The following DAGLB variants were observed in gnomAD, a reference collection of about 807,000 sequenced individuals.
DAGLB encodes diacylglycerol lipase-beta.
Under a neutral mutation model 72.1 loss-of-function variants are expected in DAGLB, and 66 were observed. The observed-to-expected ratio is 0.92, with a 90% CI of 0.75 to 1.12. The LOEUF is 1.12. Ranked by LOEUF, DAGLB falls within the 50% of genes most tolerant of loss-of-function variation. DAGLB has a pLI of 0.00. For synonymous variants in DAGLB, 414 were observed against 359.5 expected (o/e 1.15, Z -1.71); for missense variants, 1,065 against 884.9 (o/e 1.20, Z -2.58).
rs1336707106 is a variant in DAGLB at position 6,440,066 on chromosome 7, AAG to A, written c.248-3535_248-3534del. On this transcript the variant is annotated intron_variant, in intron 2 of 14. Coordinates refer to ENST00000297056, the MANE Select transcript of DAGLB (RefSeq NM_139179.4). ...GACTCTGTCTCAAAAAAAAAAAAAA[AAG>A]AAAGAAAAAGAAACTACCACAGTAT... Among the ~76,000 whole-genome samples, 906 of 106,682 alleles carry A rather than the reference AAG, an allele frequency of 8.5e-3. 16 individuals carry two copies. Among genetic ancestry groups the A allele is most frequent in the East Asian group, 0.012 (50 of 4,260 alleles). 70.0% of individuals were successfully genotyped at this position (106,682 alleles called of 152,430 possible). A position where few individuals can be genotyped will look rare whatever the true frequency, so the allele number is the denominator to read the frequency against.
At chr7:6,418,067 C>CA (rs1420559559) in intron 9 of DAGLB, among the ~76,000 whole-genome samples, 8 of 152,060 alleles carry the variant, frequency 5.3e-5, no homozygotes, top group Non-Finnish European at 1.2e-4. Context: ...GACAGGGTTT[C>CA]ACCATGTTGG....
chr7:6,430,304 A>G (rs1325578791), intron 6 of DAGLB, among the ~76,000 whole-genome samples, 176 bp downstream of exon 6: 17 of 119,538 alleles, frequency 1.4e-4, no homozygotes, highest in African/African-American at 4.8e-4. Context: ...GGAGGGAGGG[A>G]GAGAGAGAGA....
chr7:6,445,995 C>T lies in DAGLB; in HGVS notation c.205G>A (p.Val69Ile), dbSNP rs914343338. The T allele has an allele frequency of 2.3e-5, 37 of 1,613,384 alleles. No homozygotes were observed. In the Admixed American group the frequency reaches 5.9e-4, roughly 26 times the overall value. ...LIVLMILLAV[V>I]ICTVSAIMCV... ...ATGATGGCTGACACAGTACATATGA[C>T]AACTGCCAGGAGAATCATGAGGACG... Residue 69 changes from valine (V) to isoleucine (I), a missense_variant, in exon 2 of 15, where the codon GTC (valine) becomes ATC (isoleucine). By Grantham distance (29) the Val-to-Ile change is conservative. Coordinates refer to ENST00000297056, the MANE Select transcript of DAGLB (RefSeq NM_139179.4).
intron 2 of DAGLB, 69 bp from the exon 3 acceptor site, chr7:6,436,602 A>G: frequency 6.2e-7 from 1 of 1,601,734 alleles, no homozygotes; most frequent in Non-Finnish European, 8.5e-7. Flanking sequence ...TTTTTGCAAA[A>G]ATACAGCTTT....
chr7:6,432,677 AGGTGGG>A (rs1583295801), intron 5 of DAGLB, among the ~76,000 whole-genome samples, 154 bp downstream of exon 5: 4 of 60,786 alleles, frequency 6.6e-5, no homozygotes, highest in African/African-American at 1.1e-4. Context: ...AAAAAAAAAA[AGGTGGG>A]AGAGGGGAGG....
chr7:6,433,995 C>T (rs1784572754), intron 4 of DAGLB, among the ~76,000 whole-genome samples: 1 of 152,094 alleles, frequency 6.6e-6, no homozygotes, highest in Non-Finnish European at 1.5e-5. Flanking sequence ...GGTTTAAGCA[C>T]TTCTTTAAGT....
chr7:6,415,573 T>A (rs1783880425), intron 11 of DAGLB, among the ~76,000 whole-genome samples: 1 of 147,880 alleles, frequency 6.8e-6, no homozygotes, highest in African/African-American at 2.5e-5. Context: ...GCGTGGTGGC[T>A]CATGCCTGTA....
intron 4 of DAGLB, among the ~76,000 whole-genome samples, chr7:6,433,721 T>C (rs960917530): frequency 6.6e-6 from 1 of 151,920 alleles, no homozygotes; most frequent in Admixed American, 6.6e-5. Context: ...GTGCCTGTCA[T>C]CCCAGCTATT....
chr7:6,417,407 G>C (rs1490746065), intron 9 of DAGLB: 2 of 153,506 alleles, frequency 1.3e-5, no homozygotes, highest in Admixed American at 1.3e-4. Context: ...GTGAGACCCT[G>C]TCTCAAAAAA....
intron 2 of DAGLB, among the ~76,000 whole-genome samples, chr7:6,437,061 G>A (rs1784682949): frequency 6.6e-6 from 1 of 151,718 alleles, no homozygotes; most frequent in Admixed American, 6.6e-5. Flanking sequence ...GGCTGAGACA[G>A]GAGAATCGCT....
At chr7:6,410,100 T>G in intron 14 of DAGLB, 30 bp downstream of exon 14, 1 of 1,580,102 alleles carries the variant, frequency 6.3e-7, no homozygotes, top group Non-Finnish European at 8.6e-7. Context: ...TGCTCCTGCC[T>G]GCCCACCACA....
Position 6,409,321 on chromosome 7 carries a change from TC to T in DAGLB, c.*515del. On this transcript the variant is annotated 3_prime_UTR_variant, in exon 15 of 15. Transcript: ENST00000297056. ...CTTTCCCGATCGGGTTTCGTCTTCA[TC>T]CCCAGCCAGAGCCCAGGGCTGCCCT... The T allele has an allele frequency of 6.4e-6, 1 of 156,376 alleles. No individual in the cohort carries two copies. The highest frequency in any genetic ancestry group is 1.4e-5 in the Non-Finnish European group (1 of 70,484). The allele number at this position is 156,376 out of a possible 1,614,324, so 9.7% of individuals were successfully genotyped here. A position where few individuals can be genotyped will look rare whatever the true frequency, so the allele number is the denominator to read the frequency against.
intron 2 of DAGLB, among the ~76,000 whole-genome samples, chr7:6,444,060 A>C (rs1419440806): frequency 2.0e-5 from 3 of 152,138 alleles, no homozygotes; most frequent in African/African-American, 7.2e-5. Context: ...TGAGCCCAGG[A>C]GTTCAAGATC....
At chr7:6,415,611 G>GA (rs554067185) in intron 11 of DAGLB, among the ~76,000 whole-genome samples, 68 of 151,550 alleles carry the variant, frequency 4.5e-4, no homozygotes, top group African/African-American at 1.6e-3. Flanking sequence ...GGCCAAGGTG[G>GA]CGGATCATGA....
intron 7 of DAGLB, among the ~76,000 whole-genome samples, chr7:6,425,616 A>C (rs1000118450): frequency 1.8e-4 from 27 of 152,218 alleles, no homozygotes; most frequent in Admixed American, 9.2e-4. Context: ...TGACCCCCCC[A>C]GAGTGCCAGA....
intron 11 of DAGLB, among the ~76,000 whole-genome samples, chr7:6,414,177 A>AT (rs1350067573): frequency 1.3e-5 from 2 of 151,082 alleles, no homozygotes; most frequent in African/African-American, 4.9e-5. Context: ...CGCCCAGCTA[A>AT]TTTTTTGTAT....
chr7:6,436,620 C>T (rs2115285053), intron 2 of DAGLB, 87 bp from the exon 3 acceptor site: 1 of 1,559,550 alleles, frequency 6.4e-7, no homozygotes, highest in Non-Finnish European at 8.8e-7. Context: ...TTTTGCAGAG[C>T]ATACATTTGT....
At chr7:6,431,659 C>A (rs1453397761) in intron 5 of DAGLB, among the ~76,000 whole-genome samples, 1 of 152,134 alleles carries the variant, frequency 6.6e-6, no homozygotes, top group Non-Finnish European at 1.5e-5. Context: ...GTAGTCCCAG[C>A]TACTGTGGAG....
intron 8 of DAGLB, among the ~76,000 whole-genome samples, chr7:6,423,111 G>C (rs1215351823): frequency 6.6e-6 from 1 of 152,144 alleles, no homozygotes; most frequent in South Asian, 2.1e-4. Flanking sequence ...AATTAGCTGG[G>C]TGTAGTGGCA....
Sources: allele counts gnomAD v4.1 joint callset (sites outside exome capture counted in the v4.1 genomes callset), GRCh38; gene constraint gnomAD v4.1.1; transcripts MANE v1.5; gene names NCBI Gene and HGNC (gene_info 2026-07-23, HGNC 2026-07-21).